Variants in ABLIM3 observed in about 807,000 individuals in gnomAD.
ABLIM3 encodes the protein actin-binding LIM protein 3.
A neutral mutation model predicts 109.5 loss-of-function variants in ABLIM3; 61 were observed. That is an observed-to-expected ratio of 0.56 (90% CI 0.45 to 0.69). The LOEUF is 0.69. Ranked by LOEUF, ABLIM3 falls within the 30% of genes least tolerant of loss-of-function variation. ABLIM3 has a pLI of 0.00. For synonymous variants in ABLIM3, 300 were observed against 324.8 expected (o/e 0.92, Z 0.82); for missense variants, 796 against 889.5 (o/e 0.89, Z 1.34).
intron 2 of ABLIM3, among the ~76,000 whole-genome samples, chr5:149,144,932 G>A (rs2127425235): frequency 6.6e-6 from 1 of 152,070 alleles, no homozygotes; most frequent in South Asian, 2.1e-4. Flanking sequence ...CTTATACAAA[G>A]AGTCAGCCCT....
At chr5:149,210,644 T>C (rs1759449423) in intron 6 of ABLIM3, 82 bp from the exon 7 acceptor site, 3 of 1,178,670 alleles carry the variant, frequency 2.5e-6, no homozygotes, top group Non-Finnish European at 2.5e-6. Context: ...CAACATAGGC[T>C]GCAGGTCCAG....
chr5:149,226,212 C>A (rs1316494733), intron 8 of ABLIM3, among the ~76,000 whole-genome samples: 1 of 151,516 alleles, frequency 6.6e-6, no homozygotes, highest in Non-Finnish European at 1.5e-5. Flanking sequence ...AGAGGCCAGG[C>A]GCAGTGGCTC....
In ABLIM3 at chr5:149,259,359, A is replaced by G. The variant is rs919973118; in HGVS notation, c.*955A>G. 7.6e-6 allele frequency: 11 copies of G among 1,451,854 alleles called. No individual in the cohort carries two copies. The highest frequency in any genetic ancestry group is 2.5e-4 in the Middle Eastern group (1 of 3,962). The allele number at this position is 1,451,854 out of a possible 1,614,324, so 89.9% of individuals were successfully genotyped here. On this transcript the variant is annotated 3_prime_UTR_variant, in exon 24 of 24. Transcript: ENST00000309868. ...TGACAACTCAACACACCGCAGGGCT[A>G]ATGTTCCCACCAGAGCTCCAACTGA... is the stretch of plus-strand genomic sequence containing the variant.
intron 3 of ABLIM3, among the ~76,000 whole-genome samples, chr5:149,195,403 T>G (rs1464520821): frequency 6.6e-6 from 1 of 152,236 alleles, no homozygotes; most frequent in African/African-American, 2.4e-5. Context: ...CCATCTGTCA[T>G]GCTGGTCCAG....
rs138497514 is a variant in ABLIM3 at position 149,245,474 on chromosome 5, C to T, written c.1486+459C>T. Among the ~76,000 whole-genome samples the T allele has an allele frequency of 4.5e-4, 69 of 152,038 alleles. No homozygotes were observed. In the East Asian group the frequency reaches 9.1e-3, roughly 20 times the overall value. ...GGAAAGAAAAGGCTGTCCACTTAAC[C>T]TTGAACTCAGAGAGGAAGAGAAGCA... On this transcript the variant is annotated intron_variant, in intron 16 of 23. Transcript: ENST00000309868.
intron 18 of ABLIM3, 126 bp downstream of exon 18, chr5:149,248,055 C>A: frequency 8.1e-7 from 1 of 1,228,930 alleles, no homozygotes; most frequent in Non-Finnish European, 1.1e-6. Context: ...TCTCTTCTTC[C>A]TCACAGCAGC....
In ABLIM3 at chr5:149,206,958, G is replaced by A. The variant is rs755682355; in HGVS notation, c.449-50G>A. ...CTTGACGTGGGCCTGAGATAGCGGG[G>A]GTTAAAGGGCCCAGGGTGCTTTGCT... On this transcript the variant is annotated intron_variant, in intron 5 of 23. Transcript: ENST00000309868. 12 of 1,587,342 alleles carry A rather than the reference G, an allele frequency of 7.6e-6. No homozygotes were observed. In the African/African-American group the frequency reaches 1.2e-4, roughly 16 times the overall value.
rs574865491 is a variant in ABLIM3 at position 149,258,533 on chromosome 5, G to C, written c.*129G>C. 8.0e-5 allele frequency: 112 copies of C among 1,407,238 alleles called. No individual in the cohort carries two copies. In the South Asian group the frequency reaches 9.0e-4, roughly 11 times the overall value. The allele number at this position is 1,407,238 out of a possible 1,614,324, so 87.2% of individuals were successfully genotyped here. On this transcript the variant is annotated 3_prime_UTR_variant, in exon 24 of 24. Transcript: ENST00000309868. ...GCCATGAGACTTGCTTTTCTGTACT[G>C]TCAGGCAAGCCCACGTCATCGAGAT...
In ABLIM3 at chr5:149,156,633, C is replaced by A. The variant is rs552893814; in HGVS notation, c.13+14525C>A. Among the ~76,000 whole-genome samples the A allele has an allele frequency of 4.6e-5, 7 of 152,336 alleles. No homozygotes were observed. The East Asian group carries it at 1.3e-3, about 29-fold the overall frequency. ...TAAGGAGCACTTATTACATGTAAGA[C>A]CCTATGCAAACATTTTGCCTGTATT... On this transcript the variant is annotated intron_variant, in intron 2 of 23. Transcript: ENST00000309868.
rs536019805 is a variant in ABLIM3, at chr5:149,240,680, C to T, written c.1209C>T (p.Pro403=). 1.6e-5 allele frequency: 26 copies of T among 1,613,782 alleles called. No homozygotes were observed. Among genetic ancestry groups the T allele is most frequent in the Admixed American group, 1.5e-4 (9 of 60,022 alleles). ...RSPHHYYRSG[P]ESGRSSPYHS... ...ACCACTTCCTGCGTGCTCCAGGGCCCGAGAGTGGCCGGAGCTCTCCATACC... is the reference window on the plus strand; with the variant it reads ...ACCACTTCCTGCGTGCTCCAGGGCCTGAGAGTGGCCGGAGCTCTCCATACC... The change falls in exon 14 of 24, where the codon CCC becomes CCT. Residue 403 remains proline, a synonymous_variant. Coordinates refer to ENST00000309868, the MANE Select transcript of ABLIM3 (RefSeq NM_014945.5).
At position 149,240,688 on chromosome 5, in the gene ABLIM3, G is replaced by T; in HGVS notation, c.1217G>T (p.Gly406Val). 6.2e-7 allele frequency: 1 copy of T among 1,613,970 alleles called. No homozygotes were observed. Among genetic ancestry groups the T allele is most frequent in the Non-Finnish European group, 8.5e-7 (1 of 1,179,988 alleles). Residue 406 changes from glycine (G) to valine (V), a missense_variant, in exon 14 of 24, where the codon GGC (glycine) becomes GTC (valine). Physicochemically the swap from Gly to Val is moderately radical, Grantham distance 109 (BLOSUM62 -3). Coordinates refer to ENST00000309868, the MANE Select transcript of ABLIM3 (RefSeq NM_014945.5). ...CTGCGTGCTCCAGGGCCCGAGAGTG[G>T]CCGGAGCTCTCCATACCATAGCCAG... The part of the protein sequence containing the change: ...HHYYRSGPES[G>V]RSSPYHSQLD...
chr5:149,201,153 T>C (rs1758446584), intron 5 of ABLIM3, among the ~76,000 whole-genome samples: 1 of 152,086 alleles, frequency 6.6e-6, no homozygotes, highest in African/African-American at 2.4e-5. Context: ...ATTTGTGGGA[T>C]GTCCATCCCA....
chr5:149,170,264 C>CTG (rs777442668), intron 2 of ABLIM3, among the ~76,000 whole-genome samples: 2 of 134,464 alleles, frequency 1.5e-5, no homozygotes, highest in Non-Finnish European at 3.2e-5. Context: ...CTCTCTCTCT[C>CTG]CTTCTCCCTC....
intron 2 of ABLIM3, among the ~76,000 whole-genome samples, chr5:149,157,097 A>G (rs1753922847): frequency 6.6e-6 from 1 of 152,254 alleles, no homozygotes; most frequent in Non-Finnish European, 1.5e-5. Flanking sequence ...AGAGAGGACC[A>G]GAAAGCGTTC....
chr5:149,255,288 C>T lies in ABLIM3; in HGVS notation c.1938+2451C>T, dbSNP rs1315796410. ...AGGGCAGGGAGCAAATCTAGCTCTCCTCCTATGTCTGCAGAAGCATCTGGG... is the reference window on the plus strand; with the variant it reads ...AGGGCAGGGAGCAAATCTAGCTCTCTTCCTATGTCTGCAGAAGCATCTGGG... On this transcript the variant is annotated intron_variant, in intron 23 of 23. Coordinates refer to ENST00000309868, the MANE Select transcript of ABLIM3 (RefSeq NM_014945.5). Among the ~76,000 whole-genome samples the T allele has an allele frequency of 2.6e-5, 4 of 152,318 alleles. No individual in the cohort carries two copies. The East Asian group carries it at 7.7e-4, about 29-fold the overall frequency.
Position 149,259,398 on chromosome 5 carries a change from C to A in ABLIM3, c.*994C>A, listed in dbSNP as rs541805681. On this transcript the variant is annotated 3_prime_UTR_variant, in exon 24 of 24. Transcript: ENST00000309868. ...AGCTCCAACTGAACAACCAGACAGA[C>A]AACTCTCATCATCCTCCAGAGAGAA... The A allele has an allele frequency of 4.2e-5, 62 of 1,486,830 alleles. No homozygotes were observed. The highest frequency in any genetic ancestry group is 2.4e-4 in the Middle Eastern group (1 of 4,206). The allele number at this position is 1,486,830 out of a possible 1,614,324, so 92.1% of individuals were successfully genotyped here. A position where few individuals can be genotyped will look rare whatever the true frequency, so the allele number is the denominator to read the frequency against.
chr5:149,252,540 T>C (rs898494063), intron 22 of ABLIM3: 2 of 563,670 alleles, frequency 3.5e-6, no homozygotes, highest in Non-Finnish European at 6.3e-6. Flanking sequence ...CCAAGCTTAT[T>C]CCTAGTAGTA....
intron 3 of ABLIM3, among the ~76,000 whole-genome samples, chr5:149,189,249 A>G (rs145021769): frequency 0.013 from 2,054 of 152,216 alleles, 23 homozygotes; most frequent in South Asian, 0.024. Flanking sequence ...AAATTGAGAA[A>G]CTCTTAGGAA....
chr5:149,237,674 C>G, intron 11 of ABLIM3, 71 bp downstream of exon 11: 1 of 1,579,998 alleles, frequency 6.3e-7, no homozygotes, highest in Non-Finnish European at 8.6e-7. Flanking sequence ...CCAGCCCTCT[C>G]CATCACAGAC....
Sources: gnomAD v4.1 joint callset for allele counts (sites outside exome capture counted in the v4.1 genomes callset) on GRCh38, gnomAD v4.1.1 for gene constraint, MANE v1.5 for transcripts, NCBI Gene and HGNC (gene_info 2026-07-23, HGNC 2026-07-21) for gene names.